DCDC1: variants seen among roughly 807,000 people sequenced by gnomAD.
DCDC1 encodes doublecortin domain containing 1.
Under a neutral mutation model 178.3 loss-of-function variants are expected in DCDC1, and 200 were observed. The ratio of observed to expected loss-of-function variants is 1.12; its 90% CI spans 1.00 to 1.26. DCDC1 has a LOEUF of 1.26. Ranked by LOEUF, DCDC1 falls within the 50% of genes most tolerant of loss-of-function variation. The pLI is 0.00. For synonymous variants in DCDC1, 690 were observed against 604.8 expected, an observed-to-expected ratio of 1.14 and a Z score of -2.07; for missense variants, 1,983 against 1,749.2, an observed-to-expected ratio of 1.13 and a Z score of -2.38.
At chr11:30,984,646 CCAA>C (rs1392551629) in intron 20 of DCDC1, among the ~76,000 whole-genome samples, 1 of 152,160 alleles carries the variant, frequency 6.6e-6, no homozygotes, top group African/African-American at 2.4e-5. Flanking sequence ...CGTTCAATCC[CCAA>C]GGATTTGCAA....
At chr11:30,882,764 G>C (rs568549322) in intron 36 of DCDC1, 1 of 152,210 alleles carries the variant, frequency 6.6e-6, no homozygotes, top group South Asian at 2.1e-4. Flanking sequence ...TAAAGCTAAT[G>C]AAAATATTCT....
At chr11:31,019,174 G>A (rs1565189143) in intron 20 of DCDC1, among the ~76,000 whole-genome samples, 1 of 152,072 alleles carries the variant, frequency 6.6e-6, no homozygotes, top group Non-Finnish European at 1.5e-5. Context: ...CAGACTCAGT[G>A]GGTTTTGCAG....
chr11:31,259,203 A>G (rs1944615575), intron 8 of DCDC1, among the ~76,000 whole-genome samples: 1 of 152,030 alleles, frequency 6.6e-6, no homozygotes, highest in African/African-American at 2.4e-5. Flanking sequence ...ATACAAAAAA[A>G]TTAGCTGTGC....
At chr11:31,345,066 A>G (rs976855226) in intron 1 of DCDC1, among the ~76,000 whole-genome samples, 1 of 152,164 alleles carries the variant, frequency 6.6e-6, no homozygotes, top group Non-Finnish European at 1.5e-5. Context: ...TGTTTTGAAT[A>G]ATTGCATGCT....
At chr11:30,983,933 G>A (rs939095937) in intron 20 of DCDC1, among the ~76,000 whole-genome samples, 1 of 152,136 alleles carries the variant, frequency 6.6e-6, no homozygotes, top group Admixed American at 6.5e-5. Flanking sequence ...GTTCAGCTAA[G>A]CTAAGGGAAT....
intron 25 of DCDC1, among the ~76,000 whole-genome samples, chr11:30,919,625 C>T (rs1946101436): frequency 6.6e-6 from 1 of 152,202 alleles, no homozygotes; most frequent in South Asian, 2.1e-4. Context: ...TAGGACCAAT[C>T]ATTCTCTCTG....
At position 31,076,141 on chromosome 11, in the gene DCDC1, G is replaced by A. The variant is rs570974002; in HGVS notation, c.2298+1724C>T. On this transcript the variant is annotated intron_variant, in intron 18 of 38. Coordinates refer to ENST00000684477, the MANE Select transcript of DCDC1 (RefSeq NM_001387274.1). ...CCCAAAGTGCTGGGAGTACAGGTGTGAGCCACTGCACCTGGCCTCATTCAT... is the reference window on the plus strand; with the variant it reads ...CCCAAAGTGCTGGGAGTACAGGTGTAAGCCACTGCACCTGGCCTCATTCAT... 8.5e-5 allele frequency among the ~76,000 whole-genome samples: 13 copies of A among 152,238 alleles called. No individual in the cohort carries two copies. The South Asian group carries it at 2.7e-3, about 32-fold the overall frequency.
chr11:31,037,820 G>A (rs967206555), intron 20 of DCDC1, among the ~76,000 whole-genome samples: 1 of 151,844 alleles, frequency 6.6e-6, no homozygotes, highest in African/African-American at 2.4e-5. Context: ...TTTTATCTCA[G>A]CTAACCATTT....
chr11:31,182,985 A>C (rs565491288), intron 9 of DCDC1, among the ~76,000 whole-genome samples: 1 of 152,298 alleles, frequency 6.6e-6, no homozygotes, highest in Non-Finnish European at 1.5e-5. Flanking sequence ...TAAACCAACA[A>C]AGATCAAAAA....
At chr11:31,361,365 C>A (rs1296612981) in intron 1 of DCDC1, among the ~76,000 whole-genome samples, 2 of 152,150 alleles carry the variant, frequency 1.3e-5, no homozygotes, top group Non-Finnish European at 2.9e-5. Flanking sequence ...GAAGACACAG[C>A]CTCATTAGCA....
chr11:31,290,805 T>A lies in DCDC1; in HGVS notation c.802A>T (p.Met268Leu), dbSNP rs988968496. The change falls in exon 7 of 39, where the codon ATG becomes TTG. Residue 268 changes from methionine to leucine, a missense_variant. Met to Leu is a conservative substitution (Grantham distance 15, BLOSUM62 2). Transcript: ENST00000684477. ...CGTCTTTTGATATCAGTAGGAAGCA[T>A]CAACCCATTCATTGTCCAAGTTACT... ...KKVTWTMNGLMLPTDIKRRKT... is the reference protein window; with the variant it reads ...KKVTWTMNGLLLPTDIKRRKT... The A allele has an allele frequency of 2.5e-6, 4 of 1,613,310 alleles. No individual in the cohort carries two copies. The highest frequency in any genetic ancestry group is 1.7e-4 in the Middle Eastern group (1 of 6,060).
chr11:31,181,477 A>T (rs1264463355), intron 9 of DCDC1, among the ~76,000 whole-genome samples: 1 of 152,192 alleles, frequency 6.6e-6, no homozygotes. Context: ...TCCAGCTGGC[A>T]TCTGGTGGGT....
intron 9 of DCDC1, among the ~76,000 whole-genome samples, chr11:31,219,891 A>G (rs181195871): frequency 6.6e-6 from 1 of 152,266 alleles, no homozygotes; most frequent in Non-Finnish European, 1.5e-5. Context: ...AGAAACCTGA[A>G]AACAGGGGTT....
intron 18 of DCDC1, among the ~76,000 whole-genome samples, chr11:31,074,231 T>C (rs1177165394): frequency 6.6e-6 from 1 of 152,100 alleles, no homozygotes; most frequent in African/African-American, 2.4e-5. Flanking sequence ...CACTGAGGGG[T>C]GGCACCAGTA....
At chr11:31,018,939 T>C (rs1011159974) in intron 20 of DCDC1, among the ~76,000 whole-genome samples, 1 of 152,014 alleles carries the variant, frequency 6.6e-6, no homozygotes, top group East Asian at 1.9e-4. Flanking sequence ...AAGGATGAGA[T>C]GGGGGACTCA....
chr11:30,952,688 A>G, intron 20 of DCDC1, 120 bp from the exon 21 acceptor site: 1 of 419,556 alleles, frequency 2.4e-6, no homozygotes, highest in African/African-American at 2.0e-5. Flanking sequence ...TGAATTAAAA[A>G]CCCAAATCTG....
At chr11:31,331,117 C>T (rs577305115) in intron 2 of DCDC1, among the ~76,000 whole-genome samples, 11 of 152,218 alleles carry the variant, frequency 7.2e-5, no homozygotes, top group Non-Finnish European at 1.0e-4. Context: ...CCCTTGTAAG[C>T]TGGATTCCTA....
intron 21 of DCDC1, among the ~76,000 whole-genome samples, chr11:30,936,936 T>C (rs560442709): frequency 6.6e-6 from 1 of 152,316 alleles, no homozygotes; most frequent in Admixed American, 6.5e-5. Context: ...CTACTTCTCA[T>C]GGTTGTTTTA....
intron 9 of DCDC1, among the ~76,000 whole-genome samples, chr11:31,203,367 G>A (rs1179713555): frequency 6.6e-6 from 1 of 152,174 alleles, no homozygotes; most frequent in Non-Finnish European, 1.5e-5. Context: ...CTAGAACTGA[G>A]CACTTGCATT....
Sources: gnomAD v4.1 joint callset for allele counts (sites outside exome capture counted in the v4.1 genomes callset) on GRCh38, gnomAD v4.1.1 for gene constraint, MANE v1.5 for transcripts, NCBI Gene and HGNC (gene_info 2026-07-23, HGNC 2026-07-21) for gene names.